GOLGA4: variants seen among roughly 807,000 people sequenced by gnomAD.
GOLGA4 encodes golgin A4.
A neutral mutation model predicts 265.9 loss-of-function variants in GOLGA4; 169 were observed. That is an observed-to-expected ratio of 0.64 (90% confidence interval 0.56 to 0.72). GOLGA4 has a LOEUF of 0.72. GOLGA4 is among the 30% of genes least tolerant of loss of function. The pLI, the probability that GOLGA4 is intolerant of heterozygous loss-of-function variation, is 0.00. For synonymous variants in GOLGA4, 923 were observed against 855.8 expected (o/e 1.08, Z -1.37); for missense variants, 2,482 against 2,483.4 (o/e 1.00, Z 0.01).
At chr3:37,361,995 G>A (rs892077364) in intron 23 of GOLGA4, among the ~76,000 whole-genome samples, 1 of 152,096 alleles carries the variant, frequency 6.6e-6, no homozygotes, top group Non-Finnish European at 1.5e-5. Context: ...CATGCTATTA[G>A]GTTGATTTAG....
chr3:37,352,998 G>C (rs912531889), intron 21 of GOLGA4, among the ~76,000 whole-genome samples: 4 of 152,006 alleles, frequency 2.6e-5, no homozygotes, highest in African/African-American at 9.7e-5. Context: ...ACAGACCATT[G>C]TAGGGTTATT....
At chr3:37,328,262 A>ACACG (rs1489302194) in intron 14 of GOLGA4, among the ~76,000 whole-genome samples, 154 bp from the exon 15 acceptor site, 1 of 143,564 alleles carries the variant, frequency 7.0e-6, no homozygotes, top group Non-Finnish European at 1.6e-5. Flanking sequence ...ACACACACAC[A>ACACG]CACACACTCA....
chr3:37,337,453 C>T (rs1019467379), intron 18 of GOLGA4, among the ~76,000 whole-genome samples: 1 of 152,076 alleles, frequency 6.6e-6, no homozygotes, highest in East Asian at 1.9e-4. Flanking sequence ...TCAGGCAGTT[C>T]CCCTGCCTCG....
intron 22 of GOLGA4, among the ~76,000 whole-genome samples, chr3:37,355,489 T>A (rs930731928): frequency 2.6e-5 from 4 of 152,140 alleles, no homozygotes; most frequent in Admixed American, 2.6e-4. Context: ...AAAAGACATT[T>A]GTTCTGGTAT....
rs752377213 is a variant in GOLGA4 at position 37,302,350 on chromosome 3, A to G, written c.1234+18A>G. On this transcript the variant is annotated intron_variant, in intron 10 of 23. Coordinates refer to ENST00000361924, the MANE Select transcript of GOLGA4 (RefSeq NM_002078.5). ...AAGAGCTGGTAAGAACTTGAGGGTT[A>G]CTTGTTTTATGTTGGAACTCAAAAG... 52 of 1,602,814 alleles carry G rather than the reference A, an allele frequency of 3.2e-5. No homozygotes were observed. Among genetic ancestry groups the G allele is most frequent in the Non-Finnish European group, 4.1e-5 (48 of 1,174,492 alleles).
chr3:37,358,731 T>C (rs1010980853), intron 22 of GOLGA4, among the ~76,000 whole-genome samples: 1 of 152,124 alleles, frequency 6.6e-6, no homozygotes, highest in Non-Finnish European at 1.5e-5. Context: ...AGGTAAATCA[T>C]TGATGTGTAT....
At chr3:37,315,049 C>T (rs73825072) in intron 10 of GOLGA4, among the ~76,000 whole-genome samples, 2,284 of 152,054 alleles carry the variant, frequency 0.015, 53 homozygotes, top group African/African-American at 0.052. Context: ...TTAGAGCAAA[C>T]GAAAAACAAT....
At chr3:37,330,671 G>T (rs2096986948) in intron 16 of GOLGA4, among the ~76,000 whole-genome samples, 1 of 152,148 alleles carries the variant, frequency 6.6e-6, no homozygotes, top group Non-Finnish European at 1.5e-5. Flanking sequence ...GTGGGCAAGG[G>T]AGTGGCATGG....
intron 22 of GOLGA4, among the ~76,000 whole-genome samples, chr3:37,358,039 G>A (rs757505862): frequency 6.6e-6 from 1 of 152,130 alleles, no homozygotes; most frequent in African/African-American, 2.4e-5. Context: ...TGAAAAGCTG[G>A]TATAAGAAAA....
intron 3 of GOLGA4, among the ~76,000 whole-genome samples, chr3:37,284,493 C>G (rs1402493662): frequency 6.6e-6 from 1 of 152,070 alleles, no homozygotes; most frequent in Non-Finnish European, 1.5e-5. Context: ...ACCTTGTCAT[C>G]TGCCCACCTT....
chr3:37,273,392 A>G (rs1226910107), intron 2 of GOLGA4: 2 of 603,990 alleles, frequency 3.3e-6, no homozygotes, highest in Non-Finnish European at 2.9e-6. Flanking sequence ...TTGCATGAAA[A>G]CATTCTAATA....
At chr3:37,316,483 TGCTGAA>T (rs2096937988) in intron 11 of GOLGA4, among the ~76,000 whole-genome samples, 2 of 152,186 alleles carry the variant, frequency 1.3e-5, no homozygotes, top group Non-Finnish European at 2.9e-5. Context: ...TTCTTCTTCC[TGCTGAA>T]CTATAGGTAA....
At chr3:37,286,298 C>T (rs1238641157) in intron 4 of GOLGA4, among the ~76,000 whole-genome samples, 2 of 150,300 alleles carry the variant, frequency 1.3e-5, no homozygotes, top group African/African-American at 2.4e-5. Context: ...GGACTACAGG[C>T]GCCCGCCACC....
In GOLGA4 at chr3:37,268,298, C is replaced by T. The variant is rs114297317; in HGVS notation, c.163-13660C>T. Among the ~76,000 whole-genome samples, 1,100 of 152,160 alleles carry T rather than the reference C, an allele frequency of 7.2e-3. 12 individuals are homozygous for T. Among genetic ancestry groups the T allele is most frequent in the Admixed American group, 0.013 (192 of 15,282 alleles). ...AGAGTCTCAGAATATTGCTCAGACT[C>T]ATCTTGAATTCCTGGCCTCAGGTGA... On this transcript the variant is annotated intron_variant, in intron 2 of 23. Transcript: ENST00000361924.
intron 17 of GOLGA4, 149 bp downstream of exon 17, chr3:37,335,315 A>G (rs2097006995): frequency 1.7e-6 from 1 of 576,300 alleles, no homozygotes; most frequent in Admixed American, 3.1e-5. Context: ...ATAGACAGAT[A>G]AACTAAATGT....
intron 10 of GOLGA4, among the ~76,000 whole-genome samples, chr3:37,310,758 G>A (rs903602365): frequency 6.6e-6 from 1 of 150,996 alleles, no homozygotes; most frequent in Non-Finnish European, 1.5e-5. Context: ...AATAAAAATT[G>A]CCTGAGATAC....
At chr3:37,295,258 C>T (rs1335110653) in intron 6 of GOLGA4, among the ~76,000 whole-genome samples, 181 bp downstream of exon 6, 1 of 152,056 alleles carries the variant, frequency 6.6e-6, no homozygotes, top group African/African-American at 2.4e-5. Flanking sequence ...TGCTCTTTCA[C>T]CCTGGCTATA....
intron 16 of GOLGA4, among the ~76,000 whole-genome samples, chr3:37,334,575 C>A (rs1292444475): frequency 1.3e-5 from 2 of 152,116 alleles, no homozygotes; most frequent in Non-Finnish European, 2.9e-5. Flanking sequence ...GGGTAGTGCT[C>A]TGTATAAAAA....
chr3:37,282,635 T>C (rs776916704), intron 3 of GOLGA4, among the ~76,000 whole-genome samples: 1 of 152,226 alleles, frequency 6.6e-6, no homozygotes, highest in Non-Finnish European at 1.5e-5. Flanking sequence ...CTCTAACTGA[T>C]GCGGCTCCAA....
Sources: gnomAD v4.1 joint callset for allele counts (sites outside exome capture counted in the v4.1 genomes callset) on GRCh38, gnomAD v4.1.1 for gene constraint, MANE v1.5 for transcripts, NCBI Gene and HGNC (gene_info 2026-07-23, HGNC 2026-07-21) for gene names.